PUDP: variants seen among roughly 807,000 people sequenced by gnomAD.
PUDP encodes pseudouridine-5'-phosphatase.
In PUDP, 8 loss-of-function variants were observed where a neutral mutation model predicts 9.4. That is an observed-to-expected ratio of 0.85 (90% CI 0.50 to 1.53). The LOEUF is 1.53. Among genes scored for constraint, PUDP ranks in the 40% most tolerant of loss-of-function variants. The pLI, the probability that PUDP is intolerant of heterozygous loss-of-function variation, is 0.00. For missense variants in PUDP, 188 were observed against 189.7 expected, an observed-to-expected ratio of 0.99 and a Z score of 0.05; for synonymous variants, 99 against 80.7, an observed-to-expected ratio of 1.23 and a Z score of -1.22.
intron 3 of PUDP, among the ~76,000 whole-genome samples, chrX:7,060,634 G>A (rs927440575): frequency 2.7e-5 from 3 of 112,467 alleles, no homozygotes; most frequent in Non-Finnish European, 5.6e-5. Flanking sequence ...GCAGCACTCC[G>A]AGGAATCTAT....
At chrX:6,810,082 G>A (rs1380009130) in intron 3 of PUDP, among the ~76,000 whole-genome samples, 21 of 71,755 alleles carry the variant, frequency 2.9e-4, no homozygotes, top group Non-Finnish European at 3.7e-4. Flanking sequence ...TCTCAAAAAC[G>A]AAAACCAAAA....
intron 2 of PUDP, among the ~76,000 whole-genome samples, chrX:7,092,860 T>C (rs1931464454): frequency 8.9e-6 from 1 of 112,318 alleles, no homozygotes; most frequent in African/African-American, 3.2e-5. Flanking sequence ...ACAACACTTA[T>C]GTGAAAAACC....
intron 3 of PUDP, among the ~76,000 whole-genome samples, chrX:6,768,900 T>C: frequency 8.9e-6 from 1 of 111,772 alleles, no homozygotes; most frequent in Middle Eastern, 4.6e-3. Flanking sequence ...TAGCTTTCCG[T>C]GGTGGTGTTT....
At chrX:7,117,018 T>A (rs1282483883) in intron 1 of PUDP, 1 of 1,167,511 alleles carries the variant, frequency 8.6e-7, no homozygotes. Flanking sequence ...CAGCTGCCAC[T>A]ATGCTTCCTG....
chrX:7,047,537 G>A (rs945250220), downstream of PUDP, among the ~76,000 whole-genome samples: 3 of 112,184 alleles, frequency 2.7e-5, no homozygotes, highest in Admixed American at 9.4e-5. Context: ...CAGAGATAAC[G>A]TGTACTCCTC....
intron 1 of PUDP, among the ~76,000 whole-genome samples, chrX:7,137,989 G>C: frequency 8.9e-6 from 1 of 112,009 alleles, no homozygotes; most frequent in East Asian, 2.8e-4. Flanking sequence ...TGCAGGGCTG[G>C]GGCTAGCATG....
intron 3 of PUDP, among the ~76,000 whole-genome samples, chrX:6,894,174 G>A (rs1162256202): frequency 9.0e-6 from 1 of 110,803 alleles, no homozygotes; most frequent in African/African-American, 3.3e-5. Context: ...GTGATGGGAT[G>A]ATCTGTGCAG....
At chrX:7,071,850 C>T (rs189088374) in intron 3 of PUDP, among the ~76,000 whole-genome samples, 66 of 109,254 alleles carry the variant, frequency 6.0e-4, no homozygotes, top group East Asian at 3.8e-3. Context: ...GATCTCGGCT[C>T]ACTGAAACTT....
At chrX:7,117,078 T>C in intron 1 of PUDP, 2 of 1,161,485 alleles carry the variant, frequency 1.7e-6, no homozygotes, top group South Asian at 1.9e-5. Context: ...TTCTAAATTA[T>C]CTAGACTCAG....
intron 3 of PUDP, among the ~76,000 whole-genome samples, chrX:6,892,291 T>C (rs1927527698): frequency 9.0e-6 from 1 of 111,617 alleles, no homozygotes; most frequent in African/African-American, 3.3e-5. Flanking sequence ...TCCACAAAAT[T>C]CTTAAGTTGG....
At chrX:6,878,055 T>C (rs1927292145) in intron 3 of PUDP, among the ~76,000 whole-genome samples, 1 of 112,456 alleles carries the variant, frequency 8.9e-6, no homozygotes, top group Non-Finnish European at 1.9e-5. Flanking sequence ...AACTGGCTTG[T>C]ACTTTTAGAT....
intron 3 of PUDP, among the ~76,000 whole-genome samples, chrX:6,902,119 C>T (rs1303471895): frequency 9.0e-6 from 1 of 111,700 alleles, no homozygotes; most frequent in Non-Finnish European, 1.9e-5. Flanking sequence ...CTCCTGGCCT[C>T]AAGCAGTCCT....
At chrX:6,924,451 G>C (rs889805590) in intron 3 of PUDP, among the ~76,000 whole-genome samples, 24 of 112,139 alleles carry the variant, frequency 2.1e-4, no homozygotes, top group African/African-American at 7.8e-4. Flanking sequence ...TGAAATGCTT[G>C]GGACCAGAAG....
At chrX:7,019,802 G>A (rs1929604649) in intron 1 of PUDP, among the ~76,000 whole-genome samples, 1 of 111,470 alleles carries the variant, frequency 9.0e-6, no homozygotes, top group African/African-American at 3.3e-5. Flanking sequence ...TAGTATATTT[G>A]TTTGATTTTT....
chrX:6,762,022 C>T (rs1176520899), intron 3 of PUDP, among the ~76,000 whole-genome samples: 1 of 111,000 alleles, frequency 9.0e-6, no homozygotes, highest in Non-Finnish European at 1.9e-5. Context: ...AAAACCACAT[C>T]GCTCCAAAAA....
intron 3 of PUDP, among the ~76,000 whole-genome samples, chrX:6,968,899 C>T (rs752044956): frequency 1.8e-5 from 2 of 112,136 alleles, no homozygotes; most frequent in Non-Finnish European, 3.8e-5. Context: ...GGTTTACAGG[C>T]GTGAGCCACC....
intron 3 of PUDP, among the ~76,000 whole-genome samples, chrX:6,928,715 T>C (rs1465243052): frequency 9.0e-6 from 1 of 110,925 alleles, no homozygotes; most frequent in Non-Finnish European, 1.9e-5. Flanking sequence ...GGTAACATGG[T>C]GAGACCCGGT....
intron 3 of PUDP, among the ~76,000 whole-genome samples, chrX:7,056,494 T>C (rs759791372): frequency 9.0e-6 from 1 of 111,503 alleles, no homozygotes; most frequent in South Asian, 3.8e-4. Context: ...TCTATATGAT[T>C]TTAATTAATT....
chrX:6,756,006 G>A (rs773603404), intron 3 of PUDP, among the ~76,000 whole-genome samples: 4 of 111,384 alleles, frequency 3.6e-5, no homozygotes, highest in Non-Finnish European at 5.7e-5. Context: ...AGAGATCAAA[G>A]TTAAAGAAGT....
Sources: gnomAD v4.1 joint callset for allele counts (sites outside exome capture counted in the v4.1 genomes callset) on GRCh38, gnomAD v4.1.1 for gene constraint, MANE v1.5 for transcripts, NCBI Gene and HGNC (gene_info 2026-07-23, HGNC 2026-07-21) for gene names.